ZFYVE28: variants seen among roughly 807,000 people sequenced by gnomAD.
ZFYVE28 encodes lateral signaling target protein 2 homolog.
Under a neutral mutation model 82.1 loss-of-function variants are expected in ZFYVE28, and 40 were observed. That is an observed-to-expected ratio of 0.49 (90% CI 0.38 to 0.63). The LOEUF is 0.63. ZFYVE28 is among the 30% of genes least tolerant of loss of function. The pLI is 0.00. For synonymous variants in ZFYVE28, 612 were observed against 546.1 expected (o/e 1.12, Z -1.68); for missense variants, 1,321 against 1,242.1 (o/e 1.06, Z -0.96).
intron 1 of ZFYVE28, among the ~76,000 whole-genome samples, chr4:2,371,217 C>T (rs566591606): frequency 5.9e-5 from 9 of 152,328 alleles, no homozygotes; most frequent in Admixed American, 3.3e-4. Flanking sequence ...GACACATGGA[C>T]TCAGCCAGCA....
intron 1 of ZFYVE28, among the ~76,000 whole-genome samples, chr4:2,405,654 C>T (rs979869864): frequency 3.9e-5 from 6 of 152,252 alleles, no homozygotes; most frequent in Non-Finnish European, 8.8e-5. Flanking sequence ...GTCTCTGAGA[C>T]CTCACGTCCC....
Position 2,335,085 on chromosome 4 carries a change from G to A in ZFYVE28, c.701+620C>T, listed in dbSNP as rs1286471998. ...GTGGATTTCAGGCCTGAGCTTCCAT[G>A]TGCTGTGTTCACGTCCTTGAGCCCC... On this transcript the variant is annotated intron_variant, in intron 6 of 12. Coordinates refer to ENST00000290974, the MANE Select transcript of ZFYVE28 (RefSeq NM_020972.3). This position sits in a 1 kb window ranked among gnomAD's most constrained non-coding sequence, Gnocchi z 5.8. Among the ~76,000 whole-genome samples the A allele has an allele frequency of 1.3e-5, 2 of 151,240 alleles. No individual in the cohort carries two copies. Among genetic ancestry groups the A allele is most frequent in the African/African-American group, 2.4e-5 (1 of 41,168 alleles).
intron 9 of ZFYVE28, among the ~76,000 whole-genome samples, chr4:2,273,771 C>A (rs1736134335): frequency 6.6e-6 from 1 of 152,176 alleles, no homozygotes. Flanking sequence ...GTGGACCCTG[C>A]CCAGAGGTGA....
chr4:2,285,359 G>C (rs537704037), intron 8 of ZFYVE28: 1 of 152,278 alleles, frequency 6.6e-6, no homozygotes, highest in Admixed American at 6.5e-5. Flanking sequence ...GCGGTGCTTC[G>C]TCACAGCAGC....
At chr4:2,302,708 C>T (rs148805964) in intron 8 of ZFYVE28, among the ~76,000 whole-genome samples, 13 of 152,348 alleles carry the variant, frequency 8.5e-5, no homozygotes, top group Non-Finnish European at 1.8e-4. Context: ...CTAGAAACAA[C>T]ACATCCACCA....
At chr4:2,333,893 C>A in intron 6 of ZFYVE28, among the ~76,000 whole-genome samples, 1 of 152,320 alleles carries the variant, frequency 6.6e-6, no homozygotes, top group East Asian at 1.9e-4. Flanking sequence ...CAGAGAGACA[C>A]TTGTCTAGAA....
Position 2,304,864 on chromosome 4 carries a change from C to G in ZFYVE28, c.1476G>C (p.Glu492Asp), listed in dbSNP as rs1716292995. The G allele has an allele frequency of 6.2e-7, 1 of 1,612,556 alleles. No individual in the cohort carries two copies. Among genetic ancestry groups the G allele is most frequent in the Non-Finnish European group, 8.5e-7 (1 of 1,179,868 alleles). The change falls in exon 8 of 13, where the codon GAG (glutamate) becomes GAC (aspartate). Residue 492 changes from glutamate to aspartate, a missense_variant. Physicochemically the swap from Glu to Asp is conservative, Grantham distance 45. This residue lies in a region of ZFYVE28 where 978 missense variants were observed against 833.7 expected (regional missense o/e 1.17). Coordinates refer to ENST00000290974, the MANE Select transcript of ZFYVE28 (RefSeq NM_020972.3). Reference sequence around the variant, plus strand: ...CCGTCTCTGCGTCATCCGCACCCACCTCCCAGCCGTCCAGGTGCAGCCGCG... The same window carrying G: ...CCGTCTCTGCGTCATCCGCACCCACGTCCCAGCCGTCCAGGTGCAGCCGCG... ...LDSRLHLDGW[E>D]VGADDAETAE...
Position 2,275,366 on chromosome 4 carries a change from CCTAT to C in ZFYVE28, c.2052-1154_2052-1151del, listed in dbSNP as rs566647543. 3.5e-3 allele frequency among the ~76,000 whole-genome samples: 538 copies of C among 152,318 alleles called. 1 individual carries two copies. Among genetic ancestry groups the C allele is most frequent in the Non-Finnish European group, 6.0e-3 (409 of 68,028 alleles). On this transcript the variant is annotated intron_variant, in intron 8 of 12. Coordinates refer to ENST00000290974, the MANE Select transcript of ZFYVE28 (RefSeq NM_020972.3). ...CCTCTCATTTTAAACTAATTTATCT[CCTAT>C]CTTTTTGTCCCATTTTCTGGGAAAT...
chr4:2,361,879 C>T (rs552434117), intron 1 of ZFYVE28, among the ~76,000 whole-genome samples: 5 of 152,220 alleles, frequency 3.3e-5, no homozygotes, highest in African/African-American at 7.2e-5. Context: ...CAGTCTTGGC[C>T]GAGCTGCGGC....
At chr4:2,289,629 G>A (rs1030072534) in intron 8 of ZFYVE28, among the ~76,000 whole-genome samples, 6 of 152,154 alleles carry the variant, frequency 3.9e-5, no homozygotes, top group Non-Finnish European at 5.9e-5. Flanking sequence ...CTCCTGCCTC[G>A]GGTCCCAAAG....
chr4:2,336,647 A>AGTGAGGATTGAGGAGTGAGGAT (rs1356199067), intron 5 of ZFYVE28, among the ~76,000 whole-genome samples: 2 of 144,062 alleles, frequency 1.4e-5, no homozygotes, highest in African/African-American at 5.1e-5. Flanking sequence ...GGAGGTGGGG[A>AGTGAGGATTGAGGAGTGAGGAT]GTGAGGATTG....
chr4:2,361,491 G>C (rs552314454), intron 1 of ZFYVE28, among the ~76,000 whole-genome samples: 3 of 152,214 alleles, frequency 2.0e-5, no homozygotes, highest in African/African-American at 2.4e-5. Context: ...CAGCAGTTAC[G>C]AGGGCTGGCC....
chr4:2,384,189 C>G (rs939442460), intron 1 of ZFYVE28, among the ~76,000 whole-genome samples: 4 of 152,292 alleles, frequency 2.6e-5, no homozygotes, highest in African/African-American at 9.6e-5. Flanking sequence ...GCCACAGAGC[C>G]CTCTCCTCCC....
At chr4:2,401,175 A>AG (rs927584945) in intron 1 of ZFYVE28, among the ~76,000 whole-genome samples, 1 of 152,180 alleles carries the variant, frequency 6.6e-6, no homozygotes, top group Non-Finnish European at 1.5e-5. Flanking sequence ...CATGGAACTA[A>AG]GGGGGGCCCC....
intron 1 of ZFYVE28, among the ~76,000 whole-genome samples, chr4:2,357,316 G>T (rs73205406): frequency 0.023 from 3,532 of 152,246 alleles, 65 homozygotes; most frequent in South Asian, 0.046. Context: ...ACCTGCCAAT[G>T]CCCCTCCTCG....
rs1285661418 is a variant in ZFYVE28, at chr4:2,418,481, G to A, written c.-158C>T. 7 of 399,992 alleles carry A rather than the reference G, an allele frequency of 1.8e-5. No individual in the cohort carries two copies. Among genetic ancestry groups the A allele is most frequent in the Non-Finnish European group, 2.4e-5 (7 of 290,478 alleles). 24.8% of individuals were successfully genotyped at this position (399,992 alleles called of 1,614,324 possible). Reference sequence around the variant, plus strand: ...CGAAGCCCGGAGCGCCGAGCGGGCGGCGGGCAGGTGCGCGGGGCAGGTGCG... The same window carrying A: ...CGAAGCCCGGAGCGCCGAGCGGGCGACGGGCAGGTGCGCGGGGCAGGTGCG... On this transcript the variant is annotated 5_prime_UTR_variant, in exon 1 of 13. Transcript: ENST00000290974. This position sits in a 1 kb window ranked among gnomAD's most constrained non-coding sequence, Gnocchi z 4.6.
intron 8 of ZFYVE28, among the ~76,000 whole-genome samples, chr4:2,276,844 G>A (rs1031853728): frequency 6.6e-6 from 1 of 152,144 alleles, no homozygotes; most frequent in African/African-American, 2.4e-5. Context: ...TGGGGAAACA[G>A]TTTCAGTTTG....
At position 2,305,169 on chromosome 4, in the gene ZFYVE28, G is replaced by T. The variant is rs117409587; in HGVS notation, c.1171C>A (p.Arg391=). 6.3e-7 allele frequency: 1 copy of T among 1,592,636 alleles called. No homozygotes were observed. Among genetic ancestry groups the T allele is most frequent in the Non-Finnish European group, 8.6e-7 (1 of 1,166,920 alleles). The change falls in exon 8 of 13, where the codon CGG becomes AGG. Residue 391 remains arginine (R), a synonymous_variant. Transcript: ENST00000290974. ...GEASPGRPRL[R]SGSDEEERVF... is the part of the protein sequence containing the mutation. ...CGCTCCTCCTCGTCACTGCCTGACC[G>T]CAGGCGCGGTCTACCTGGAGAGGCC...
intron 1 of ZFYVE28, among the ~76,000 whole-genome samples, chr4:2,355,547 TG>T (rs1725191033): frequency 6.6e-6 from 1 of 151,356 alleles, no homozygotes. Context: ...TCCAAAGTGC[TG>T]GGATTACAGG....
Sources: gnomAD v4.1 joint callset for allele counts (sites outside exome capture counted in the v4.1 genomes callset) on GRCh38, gnomAD v4.1.1 for gene constraint, gnomAD v4.1.1 regional missense constraint, Gnocchi (gnomAD v3.1) non-coding constraint, MANE v1.5 for transcripts, NCBI Gene and HGNC (gene_info 2026-07-23, HGNC 2026-07-21) for gene names.